The following DENND4A variants were observed in gnomAD, a reference collection of about 807,000 sequenced individuals.
DENND4A encodes DENN domain containing 4A, also known as C-myc promoter-binding protein.
Under a neutral mutation model 199.3 loss-of-function variants are expected in DENND4A, and 70 were observed. The observed-to-expected ratio is 0.35, with a 90% CI of 0.29 to 0.43. The LOEUF is 0.43. DENND4A is among the 20% of genes least tolerant of loss of function. The pLI, the probability that DENND4A is intolerant of heterozygous loss-of-function variation, is 1.00. For synonymous variants in DENND4A, 686 were observed against 766.9 expected, an observed-to-expected ratio of 0.89 and a Z score of 1.74; for missense variants, 1,723 against 2,255.8, an observed-to-expected ratio of 0.76 and a Z score of 4.78.
At chr15:65,736,875 C>G (rs1471772480) in intron 7 of DENND4A, among the ~76,000 whole-genome samples, 1 of 152,102 alleles carries the variant, frequency 6.6e-6, no homozygotes, top group Admixed American at 6.5e-5. Context: ...CAATGCCATT[C>G]TGCTCACTAA....
intron 1 of DENND4A, among the ~76,000 whole-genome samples, chr15:65,784,445 C>T (rs1383063733): frequency 6.8e-6 from 1 of 146,354 alleles, no homozygotes; most frequent in Non-Finnish European, 1.5e-5. Context: ...TGACGAGACC[C>T]CCATTTCTTA....
intron 7 of DENND4A, among the ~76,000 whole-genome samples, chr15:65,736,430 A>ATTTT (rs71139429): frequency 1.4e-5 from 2 of 138,016 alleles, no homozygotes; most frequent in African/African-American, 5.3e-5. Flanking sequence ...TGGCTTTTGT[A>ATTTT]TTTTTTTTTT....
At chr15:65,673,623 C>T (rs1394990165) in intron 24 of DENND4A, among the ~76,000 whole-genome samples, 1 of 115,816 alleles carries the variant, frequency 8.6e-6, no homozygotes, top group Non-Finnish European at 1.8e-5. Flanking sequence ...AAATAAATAA[C>T]AAGGAGGAAA....
chr15:65,741,786 TG>T lies in DENND4A; in HGVS notation c.562-3del. The T allele has an allele frequency of 6.2e-7, 1 of 1,608,232 alleles. No individual in the cohort carries two copies. The highest frequency in any genetic ancestry group is 8.5e-7 in the Non-Finnish European group (1 of 1,176,714). On this transcript the variant is annotated splice_polypyrimidine_tract_variant and splice_region_variant and intron_variant, in intron 4 of 32. Transcript: ENST00000443035. ...ACACAAGTATACTGCTGATCCCCAC[TG>T]GATTTAAAAAAATAGAAATATCATT... is the stretch of plus-strand genomic sequence containing the variant.
intron 12 of DENND4A, 147 bp from the exon 13 acceptor site, chr15:65,718,143 G>A (rs778104411): frequency 3.3e-6 from 2 of 611,318 alleles, no homozygotes. Context: ...CCTTAGCAAA[G>A]CTTGCCATAG....
chr15:65,735,929 CA>C (rs1271353623), intron 7 of DENND4A, among the ~76,000 whole-genome samples: 1 of 151,992 alleles, frequency 6.6e-6, no homozygotes, highest in African/African-American at 2.4e-5. Flanking sequence ...CAATCTCTAC[CA>C]AAAATACAAA....
At chr15:65,740,878 C>G (rs2076243377) in intron 5 of DENND4A, among the ~76,000 whole-genome samples, 1 of 151,934 alleles carries the variant, frequency 6.6e-6, no homozygotes, top group African/African-American at 2.4e-5. Context: ...AAGAGGATAC[C>G]TTGAGCACAA....
intron 7 of DENND4A, among the ~76,000 whole-genome samples, chr15:65,735,094 C>T (rs757538391): frequency 6.6e-6 from 1 of 150,560 alleles, no homozygotes; most frequent in Admixed American, 6.6e-5. Flanking sequence ...AAAACAAAAA[C>T]AGGCAAGGCG....
At chr15:65,665,485 A>G (rs1025440601) in intron 29 of DENND4A, 23 bp from the exon 30 acceptor site, 1 of 1,543,240 alleles carries the variant, frequency 6.5e-7, no homozygotes, top group Non-Finnish European at 8.9e-7. Flanking sequence ...ATAAACATTC[A>G]TTAATGATCC....
Position 65,660,119 on chromosome 15 carries a change from A to T in DENND4A, c.*1732T>A. On this transcript the variant is annotated 3_prime_UTR_variant, in exon 33 of 33. Coordinates refer to ENST00000443035, the MANE Select transcript of DENND4A (RefSeq NM_001320835.1). ...TTTAAAGAACATGAAGAACAAGTAG[A>T]ACATGAAGCTTGGATCTGAATAGTA... 1 of 550,120 alleles carries T rather than the reference A, an allele frequency of 1.8e-6. No homozygotes were observed. The highest frequency in any genetic ancestry group is 3.2e-6 in the Non-Finnish European group (1 of 311,204). 34.1% of individuals were successfully genotyped at this position (550,120 alleles called of 1,614,324 possible). A position where few individuals can be genotyped will look rare whatever the true frequency, so the allele number is the denominator to read the frequency against.
At chr15:65,766,945 A>C (rs1334225609) in intron 1 of DENND4A, among the ~76,000 whole-genome samples, 1 of 152,236 alleles carries the variant, frequency 6.6e-6, no homozygotes, top group Non-Finnish European at 1.5e-5. Flanking sequence ...AGTAGCTGCT[A>C]TTCCCTTGAG....
intron 7 of DENND4A, among the ~76,000 whole-genome samples, chr15:65,736,525 C>T (rs2076124238): frequency 6.6e-6 from 1 of 151,890 alleles, no homozygotes; most frequent in African/African-American, 2.4e-5. Context: ...CTCAGCCTCC[C>T]AAAGTGTCGG....
chr15:65,670,401 A>G (rs915748544), intron 25 of DENND4A, among the ~76,000 whole-genome samples: 1 of 152,234 alleles, frequency 6.6e-6, no homozygotes, highest in Non-Finnish European at 1.5e-5. Flanking sequence ...ACTTGCTTTT[A>G]AGTGAGGATT....
intron 26 of DENND4A, 37 bp from the exon 27 acceptor site, chr15:65,669,962 G>GGTA: frequency 6.2e-7 from 1 of 1,609,746 alleles, no homozygotes; most frequent in Non-Finnish European, 8.5e-7. Flanking sequence ...TGAGAAAAGA[G>GGTA]ATATTATAGG....
rs138460604 is a variant in DENND4A at position 65,741,601 on chromosome 15, G to A, written c.631+114C>T. 587 of 676,906 alleles carry A rather than the reference G, an allele frequency of 8.7e-4. 5 individuals are homozygous for A. In the African/African-American group the frequency reaches 9.7e-3, roughly 11 times the overall value. The allele number at this position is 676,906 out of a possible 1,614,324, so 41.9% of individuals were successfully genotyped here. On this transcript the variant is annotated intron_variant, in intron 5 of 32. Coordinates refer to ENST00000443035, the MANE Select transcript of DENND4A (RefSeq NM_001320835.1). The stretch of plus-strand genomic sequence containing the variant: ...ACAAAAATGAGAATCAGAAGATACG[G>A]ATTGTAGTCCCAGTCCTGATACTAA...
intron 12 of DENND4A, among the ~76,000 whole-genome samples, chr15:65,721,143 T>C (rs1320153076): frequency 6.6e-6 from 1 of 151,410 alleles, no homozygotes; most frequent in African/African-American, 2.4e-5. Flanking sequence ...ATTGCTACAA[T>C]AGCTGTTGGG....
chr15:65,771,478 A>G (rs894566598), intron 1 of DENND4A: 1 of 1,609,870 alleles, frequency 6.2e-7, no homozygotes, highest in Non-Finnish European at 8.5e-7. Flanking sequence ...CAGATCTGGG[A>G]TAGAAGGAAT....
At chr15:65,672,091 T>C (rs1308319289) in intron 24 of DENND4A, among the ~76,000 whole-genome samples, 2 of 152,250 alleles carry the variant, frequency 1.3e-5, no homozygotes, top group African/African-American at 4.8e-5. Context: ...AAATGTGCTC[T>C]AATTCTGCTC....
intron 2 of DENND4A, among the ~76,000 whole-genome samples, chr15:65,756,949 AT>A (rs1596620152): frequency 1.3e-5 from 2 of 152,282 alleles, no homozygotes; most frequent in East Asian, 3.9e-4. Context: ...AGGCAGGAGA[AT>A]CTCCTGAATC....
Sources: allele counts gnomAD v4.1 joint callset (sites outside exome capture counted in the v4.1 genomes callset), GRCh38; gene constraint gnomAD v4.1.1; transcripts MANE v1.5; gene names NCBI Gene and HGNC (gene_info 2026-07-23, HGNC 2026-07-21).